FUT9: variants seen among roughly 807,000 people sequenced by gnomAD.
FUT9 encodes the protein 4-galactosyl-N-acetylglucosaminide 3-alpha-L-fucosyltransferase 9.
A neutral mutation model predicts 29.7 loss-of-function variants in FUT9; 15 were observed. The observed-to-expected ratio is 0.51, with a 90% confidence interval of 0.34 to 0.78. The LOEUF (loss-of-function observed/expected upper bound fraction) is 0.78. FUT9 is among the 30% of genes least tolerant of loss of function. The pLI is 0.01. For synonymous variants in FUT9, 169 were observed against 153.7 expected, an observed-to-expected ratio of 1.10 and a Z score of -0.74; for missense variants, 319 against 425.4, an observed-to-expected ratio of 0.75 and a Z score of 2.20.
chr6:96,105,518 T>G (rs1301254898), intron 1 of FUT9, among the ~76,000 whole-genome samples: 6 of 152,238 alleles, frequency 3.9e-5, no homozygotes, highest in African/African-American at 1.4e-4. Context: ...CTAGTATGTC[T>G]TCTTTGTTGA....
chr6:96,040,889 T>C (rs1770448282), intron 1 of FUT9, among the ~76,000 whole-genome samples: 1 of 152,090 alleles, frequency 6.6e-6, no homozygotes, highest in Non-Finnish European at 1.5e-5. Flanking sequence ...TTATCACTTT[T>C]ATTTGTTTCT....
rs1286908380 is a variant in FUT9 at position 96,127,594 on chromosome 6, C to A, written c.-9+13467C>A. On this transcript the variant is annotated intron_variant, in intron 2 of 2. Coordinates refer to ENST00000302103, the MANE Select transcript of FUT9 (RefSeq NM_006581.4). ...CTGGGCTTAATGGTAATTTTAAGTT[C>A]TTTGAGAAATCCCCAAACTGCTTTC... Among the ~76,000 whole-genome samples the A allele has an allele frequency of 2.6e-5, 4 of 152,052 alleles. No homozygotes were observed. In the East Asian group the frequency reaches 7.7e-4, roughly 29 times the overall value.
intron 2 of FUT9, among the ~76,000 whole-genome samples, chr6:96,142,071 G>A (rs892375460): frequency 2.0e-5 from 3 of 152,168 alleles, no homozygotes; most frequent in African/African-American, 7.2e-5. Flanking sequence ...ACACTGGGAT[G>A]TTTTGCTCGT....
At chr6:96,023,007 A>G (rs1191370530) in intron 1 of FUT9, among the ~76,000 whole-genome samples, 1 of 151,924 alleles carries the variant, frequency 6.6e-6, no homozygotes, top group Non-Finnish European at 1.5e-5. Context: ...CAGGTTAATT[A>G]GGGATGTGGG....
intron 1 of FUT9, among the ~76,000 whole-genome samples, chr6:96,068,843 A>G (rs1157266935): frequency 6.6e-6 from 1 of 152,220 alleles, no homozygotes; most frequent in African/African-American, 2.4e-5. Flanking sequence ...GAAGCTACCC[A>G]TATATGGAGA....
At chr6:96,035,898 ATATAATATAATACAT>A in intron 1 of FUT9, among the ~76,000 whole-genome samples, 1 of 93,496 alleles carries the variant, frequency 1.1e-5, no homozygotes, top group Non-Finnish European at 2.2e-5. Flanking sequence ...TATTATATTA[ATATAATATAATACAT>A]TATGTTTATT....
chr6:96,127,070 G>A (rs765083607), intron 2 of FUT9, among the ~76,000 whole-genome samples: 2 of 152,150 alleles, frequency 1.3e-5, no homozygotes, highest in Non-Finnish European at 2.9e-5. Flanking sequence ...GGGTACACGT[G>A]CAGGTTTGTT....
chr6:96,125,319 C>T (rs1772114392), intron 2 of FUT9, among the ~76,000 whole-genome samples: 1 of 152,080 alleles, frequency 6.6e-6, no homozygotes, highest in African/African-American at 2.4e-5. Flanking sequence ...ATGTCTTTGT[C>T]GTCTTATGAG....
At chr6:96,064,211 A>G (rs1770923497) in intron 1 of FUT9, among the ~76,000 whole-genome samples, 1 of 152,158 alleles carries the variant, frequency 6.6e-6, no homozygotes, top group African/African-American at 2.4e-5. Context: ...TGCACCTATT[A>G]TTAATGTTAT....
Position 96,169,575 on chromosome 6 carries a change from T to C in FUT9, c.-8-33573T>C, listed in dbSNP as rs144230497. ...CGACTGAAGATCAGAATTAGACTTA[T>C]CTCTCAGGAAAAAGTTTTATTTATT... On this transcript the variant is annotated intron_variant, in intron 2 of 2. Transcript: ENST00000302103. 3.9e-5 allele frequency among the ~76,000 whole-genome samples: 6 copies of C among 152,284 alleles called. No homozygotes were observed. The East Asian group carries it at 1.2e-3, about 29-fold the overall frequency.
chr6:96,107,034 A>T lies in FUT9; in HGVS notation c.-97-7005A>T, dbSNP rs115602330. Among the ~76,000 whole-genome samples, 735 of 152,290 alleles carry T rather than the reference A, an allele frequency of 4.8e-3. 5 individuals are homozygous for T. Among genetic ancestry groups the T allele is most frequent in the African/African-American group, 0.017 (711 of 41,570 alleles). The stretch of plus-strand genomic sequence containing the variant: ...TGTATAATATATGCGTACCTATAGG[A>T]CATCTTTGAATTTGCCTCCTGGCCT... On this transcript the variant is annotated intron_variant, in intron 1 of 2. Coordinates refer to ENST00000302103, the MANE Select transcript of FUT9 (RefSeq NM_006581.4).
At chr6:96,038,597 A>G (rs1770403176) in intron 1 of FUT9, among the ~76,000 whole-genome samples, 1 of 152,176 alleles carries the variant, frequency 6.6e-6, no homozygotes, top group South Asian at 2.1e-4. Context: ...TAGCTGGGGA[A>G]AAATATGTCC....
intron 1 of FUT9, among the ~76,000 whole-genome samples, chr6:96,098,217 CT>C (rs995191175): frequency 6.6e-6 from 1 of 152,116 alleles, no homozygotes; most frequent in African/African-American, 2.4e-5. Flanking sequence ...TTGTCAACTA[CT>C]TTTTATAAAG....
intron 1 of FUT9, among the ~76,000 whole-genome samples, chr6:96,022,243 A>G (rs1488743930): frequency 1.3e-5 from 2 of 152,012 alleles, no homozygotes; most frequent in African/African-American, 2.4e-5. Flanking sequence ...CAAGGGTCCT[A>G]AAAGGTCTGA....
intron 2 of FUT9, among the ~76,000 whole-genome samples, chr6:96,138,565 A>G (rs1385170130): frequency 1.3e-5 from 2 of 152,126 alleles, no homozygotes; most frequent in African/African-American, 4.8e-5. Flanking sequence ...AAGAGAGCAA[A>G]AGCTCTTAGC....
chr6:96,123,208 A>C (rs1772065486), intron 2 of FUT9, among the ~76,000 whole-genome samples: 1 of 152,142 alleles, frequency 6.6e-6, no homozygotes, highest in South Asian at 2.1e-4. Flanking sequence ...TGACCAAAGG[A>C]TATGACTATA....
At chr6:96,188,710 G>GATATATATATATATAT (rs57955007) in intron 2 of FUT9, among the ~76,000 whole-genome samples, 31 of 146,352 alleles carry the variant, frequency 2.1e-4, no homozygotes, top group African/African-American at 7.7e-4. Context: ...TATATTATTT[G>GATATATATATATATAT]ATATATATAT....
chr6:96,215,296 C>T lies in FUT9; in HGVS notation c.*11061C>T, dbSNP rs1774016667. Reference sequence around the variant, plus strand: ...AAACATGCTGTCACAACATGGATTCCTTCTCATGGATGTCTTTCTAGGCTT... The same window carrying T: ...AAACATGCTGTCACAACATGGATTCTTTCTCATGGATGTCTTTCTAGGCTT... On this transcript the variant is annotated 3_prime_UTR_variant, in exon 3 of 3. Transcript: ENST00000302103. 1 of 166,900 alleles carries T rather than the reference C, an allele frequency of 6.0e-6. No homozygotes were observed. The highest frequency in any genetic ancestry group is 1.5e-5 in the Non-Finnish European group (1 of 68,080). 10.3% of individuals were successfully genotyped at this position (166,900 alleles called of 1,614,324 possible).
chr6:96,111,912 A>G (rs779174825), intron 1 of FUT9, among the ~76,000 whole-genome samples: 13 of 152,222 alleles, frequency 8.5e-5, no homozygotes, highest in Non-Finnish European at 1.6e-4. Flanking sequence ...TATAACCAAT[A>G]CACTGCATAC....
Sources: gnomAD v4.1 joint callset for allele counts (sites outside exome capture counted in the v4.1 genomes callset) on GRCh38, gnomAD v4.1.1 for gene constraint, MANE v1.5 for transcripts, NCBI Gene and HGNC (gene_info 2026-07-23, HGNC 2026-07-21) for gene names.